TTC23L: variants seen among roughly 807,000 people sequenced by gnomAD.
TTC23L encodes the protein tetratricopeptide repeat domain 23 like.
A neutral mutation model predicts 48.1 loss-of-function variants in TTC23L; 42 were observed. The ratio of observed to expected loss-of-function variants is 0.87; its 90% CI spans 0.68 to 1.13. The LOEUF (loss-of-function observed/expected upper bound fraction) is 1.13. Among genes scored for constraint, TTC23L ranks in the 50% most tolerant of loss-of-function variants. The probability of loss-of-function intolerance (pLI) is 0.00; values close to 1 mark genes in which losing one functional copy is unlikely to be tolerated. For synonymous variants in TTC23L, 159 were observed against 157.2 expected, an observed-to-expected ratio of 1.01 and a Z score of -0.09; for missense variants, 391 against 421.0, an observed-to-expected ratio of 0.93 and a Z score of 0.62.
At chr5:34,867,726 A>G (rs1761177743) in intron 7 of TTC23L, 1 of 153,244 alleles carries the variant, frequency 6.5e-6, no homozygotes, top group Admixed American at 6.5e-5. Context: ...ACATCAAAAT[A>G]CTGGATATCC....
At chr5:34,925,434 A>C in the TTC23L span, 4 of 1,613,982 alleles carry the variant, frequency 2.5e-6, no homozygotes, top group Non-Finnish European at 3.4e-6. Flanking sequence ...GCAAGAAAGA[A>C]ACGGATTTAC....
intron 8 of TTC23L, among the ~76,000 whole-genome samples, chr5:34,873,295 C>T (rs1761602140): frequency 6.6e-6 from 1 of 152,156 alleles, no homozygotes; most frequent in Non-Finnish European, 1.5e-5. Flanking sequence ...TACATGCAGT[C>T]ACACAAACTG....
chr5:34,901,845 G>T (rs965829397), downstream of TTC23L, among the ~76,000 whole-genome samples: 1 of 152,154 alleles, frequency 6.6e-6, no homozygotes, highest in African/African-American at 2.4e-5. Flanking sequence ...TTATAAAGCA[G>T]ACTTCCTGGA....
chr5:34,852,711 G>A (rs960069792), intron 4 of TTC23L, among the ~76,000 whole-genome samples: 3 of 152,284 alleles, frequency 2.0e-5, no homozygotes, highest in South Asian at 2.1e-4. Flanking sequence ...AGCTTAAATC[G>A]AGAATGAAAG....
chr5:34,925,625 T>A, the TTC23L span: 1 of 712,562 alleles, frequency 1.4e-6, no homozygotes, highest in African/African-American at 1.8e-5. Context: ...AAAATTAAGA[T>A]CTTAAAATCA....
chr5:34,866,915 T>A (rs576500368), exon 7 of TTC23L: 8 of 1,605,418 alleles, frequency 5.0e-6, no homozygotes, highest in Non-Finnish European at 6.8e-6. Flanking sequence ...ATCCACAGAC[T>A]GAACCTAGCT....
the TTC23L span, chr5:34,922,319 T>A: frequency 7.6e-7 from 1 of 1,321,466 alleles, no homozygotes; most frequent in Non-Finnish European, 1.1e-6. Context: ...TTGGTTAAAC[T>A]CATTTAAGTG....
chr5:34,895,841 A>C (rs1347104550), intron 9 of TTC23L, among the ~76,000 whole-genome samples: 1 of 152,210 alleles, frequency 6.6e-6, no homozygotes, highest in African/African-American at 2.4e-5. Context: ...GCAAGACCTT[A>C]GTGATGAAAT....
the TTC23L span, chr5:34,918,490 T>C: frequency 7.0e-7 from 1 of 1,432,468 alleles, no homozygotes; most frequent in Non-Finnish European, 9.5e-7. Flanking sequence ...CTTTATATCA[T>C]ATACTTTAGA....
rs544881166 is a variant in TTC23L at position 34,857,418 on chromosome 5, C to T, written c.380-5480C>T. Among the ~76,000 whole-genome samples, 42 of 152,258 alleles carry T rather than the reference C, an allele frequency of 2.8e-4. 1 individual carries two copies. The highest frequency in any genetic ancestry group is 2.5e-3 in the Admixed American group (38 of 15,284). On this transcript the variant is annotated intron_variant, in intron 4 of 10. Transcript: ENST00000505624. Reference sequence around the variant, plus strand: ...TCCAGAAAAAGAAGCCTAAGTCATGCTTTCTTTGTCTAGTTGGTTAAAACA... The same window carrying T: ...TCCAGAAAAAGAAGCCTAAGTCATGTTTTCTTTGTCTAGTTGGTTAAAACA...
intron 10 of TTC23L, among the ~76,000 whole-genome samples, chr5:34,897,851 T>C (rs1156899947): frequency 6.6e-6 from 1 of 152,210 alleles, no homozygotes; most frequent in Non-Finnish European, 1.5e-5. Flanking sequence ...CTTTAGGACA[T>C]AAAGTCTTTA....
At chr5:34,925,670 A>G in the TTC23L span, 3 of 557,078 alleles carry the variant, frequency 5.4e-6, no homozygotes, top group South Asian at 3.4e-5. Context: ...TATCACCAGA[A>G]TTCATCAGTT....
chr5:34,915,928 C>T, the TTC23L span: 5 of 1,508,400 alleles, frequency 3.3e-6, no homozygotes, highest in Non-Finnish European at 4.4e-6. Flanking sequence ...GCTACACCTG[C>T]GGCGGCGGCT....
At chr5:34,906,756 C>CA in the TTC23L span, 1 of 152,180 alleles carries the variant, frequency 6.6e-6, no homozygotes, top group African/African-American at 2.4e-5. Context: ...TTTCATCTAA[C>CA]AGAGTTACTA....
At chr5:34,876,038 G>C (rs1761810481) in intron 8 of TTC23L, among the ~76,000 whole-genome samples, 1 of 152,022 alleles carries the variant, frequency 6.6e-6, no homozygotes, top group African/African-American at 2.4e-5. Context: ...TAAATGTGTG[G>C]GATAAGAAGA....
downstream of TTC23L, among the ~76,000 whole-genome samples, chr5:34,902,778 C>T (rs1763540201): frequency 6.6e-6 from 1 of 152,098 alleles, no homozygotes. Context: ...GCTATATATT[C>T]CATTGCCCTT....
chr5:34,854,269 G>A (rs1759933788), intron 4 of TTC23L, among the ~76,000 whole-genome samples: 1 of 152,192 alleles, frequency 6.6e-6, no homozygotes, highest in Non-Finnish European at 1.5e-5. Flanking sequence ...GGGAAAGGCA[G>A]CTTGCTGGTC....
At chr5:34,845,427 T>G in intron 2 of TTC23L, 60 bp from the exon 3 acceptor site, 1 of 1,542,102 alleles carries the variant, frequency 6.5e-7, no homozygotes, top group Non-Finnish European at 8.8e-7. Context: ...CCCTTCAATT[T>G]TACCTTGTTT....
chr5:34,848,733 A>G (rs1759429447), intron 3 of TTC23L, among the ~76,000 whole-genome samples: 1 of 152,156 alleles, frequency 6.6e-6, no homozygotes, highest in African/African-American at 2.4e-5. Context: ...GGTGATGTTC[A>G]GGAACCGCTG....
Sources: allele counts gnomAD v4.1 joint callset (sites outside exome capture counted in the v4.1 genomes callset), GRCh38; gene constraint gnomAD v4.1.1; transcripts MANE v1.5; gene names NCBI Gene and HGNC (gene_info 2026-07-23, HGNC 2026-07-21).